DYRK1A: variants seen among roughly 807,000 people sequenced by gnomAD.
DYRK1A encodes dual specificity tyrosine phosphorylation regulated kinase 1A.
DYRK1A carries 9 observed loss-of-function variants against 79.7 expected under a neutral mutation model. That is an observed-to-expected ratio of 0.11 (90% confidence interval 0.07 to 0.20). The LOEUF (loss-of-function observed/expected upper bound fraction) is 0.20. DYRK1A is among the 10% of genes least tolerant of loss of function. The pLI, the probability that DYRK1A is intolerant of heterozygous loss-of-function variation, is 1.00. For missense variants in DYRK1A, 622 were observed against 956.0 expected, an observed-to-expected ratio of 0.65 and a Z score of 4.61; for synonymous variants, 349 against 329.7, an observed-to-expected ratio of 1.06 and a Z score of -0.63.
At chr21:37,488,534 A>T in intron 6 of DYRK1A, 2 of 974,460 alleles carry the variant, frequency 2.1e-6, no homozygotes, top group African/African-American at 1.8e-5. Context: ...GTTAAAAGAA[A>T]ATTTAGTTGA....
chr21:37,464,738 A>G (rs916116353), intron 2 of DYRK1A, among the ~76,000 whole-genome samples: 1 of 152,226 alleles, frequency 6.6e-6, no homozygotes, highest in Admixed American at 6.5e-5. Flanking sequence ...AGCCAAGGGT[A>G]GTCAGAAATC....
chr21:37,412,880 T>C lies in DYRK1A; in HGVS notation c.-76-7419T>C, dbSNP rs139832556. On this transcript the variant is annotated intron_variant, in intron 1 of 11. Transcript: ENST00000647188. Reference sequence around the variant, plus strand: ...ACCCAACAGCTTGTTAGACTAGATATTGAGTGAAAAGTTTGAGTGGAGAAG... The same window carrying C: ...ACCCAACAGCTTGTTAGACTAGATACTGAGTGAAAAGTTTGAGTGGAGAAG... Among the ~76,000 whole-genome samples the C allele has an allele frequency of 1.2e-3, 178 of 152,196 alleles. No homozygotes were observed. The Middle Eastern group carries it at 0.017, about 15-fold the overall frequency.
intron 2 of DYRK1A, among the ~76,000 whole-genome samples, chr21:37,455,424 A>G (rs2051604101): frequency 6.6e-6 from 1 of 152,214 alleles, no homozygotes; most frequent in African/African-American, 2.4e-5. Flanking sequence ...TTTAAATTTT[A>G]AATAATGGTA....
chr21:37,509,988 TAG>T (rs1731686253), intron 11 of DYRK1A, among the ~76,000 whole-genome samples: 1 of 152,190 alleles, frequency 6.6e-6, no homozygotes, highest in South Asian at 2.1e-4. Flanking sequence ...GTCCACACAG[TAG>T]ATAAGTTACT....
At chr21:37,460,301 C>G (rs765241759) in intron 2 of DYRK1A, among the ~76,000 whole-genome samples, 29 of 152,076 alleles carry the variant, frequency 1.9e-4, no homozygotes, top group African/African-American at 7.0e-4. Context: ...TGTCTGTGCT[C>G]TTTTTGTATT....
chr21:37,457,016 AC>A (rs1367985001), intron 2 of DYRK1A, among the ~76,000 whole-genome samples: 18 of 114,856 alleles, frequency 1.6e-4, no homozygotes, highest in African/African-American at 6.4e-4. Flanking sequence ...AAGAAAATTT[AC>A]TTACTTACTT....
At position 37,420,294 on chromosome 21, in the gene DYRK1A, C is replaced by A; in HGVS notation, c.-76-5C>A. The A allele has an allele frequency of 8.1e-7, 1 of 1,236,210 alleles. No homozygotes were observed. Among genetic ancestry groups the A allele is most frequent in the Non-Finnish European group, 1.2e-6 (1 of 862,474 alleles). The allele number at this position is 1,236,210 out of a possible 1,614,324, so 76.6% of individuals were successfully genotyped here. On this transcript the variant is annotated splice_region_variant and splice_polypyrimidine_tract_variant and intron_variant, in intron 1 of 11. Transcript: ENST00000647188. Reference sequence around the variant, plus strand: ...TCTTATCATAATCTGTTTTTCTTCACACAGTGTTATAGTTTTGCCGCTGGA... The same window carrying A: ...TCTTATCATAATCTGTTTTTCTTCAAACAGTGTTATAGTTTTGCCGCTGGA...
rs141522648 is a variant in DYRK1A, at chr21:37,374,248, A to G, written c.-77+6620A>G. 1.4e-4 allele frequency among the ~76,000 whole-genome samples: 22 copies of G among 151,770 alleles called. No individual in the cohort carries two copies. The East Asian group carries it at 2.3e-3, about 16-fold the overall frequency. ...CATACCCTCAGCAAACAATGCTACA[A>G]TAACACTCGCATGTTGTCAGGATGT... On this transcript the variant is annotated intron_variant, in intron 1 of 11. Transcript: ENST00000647188.
At chr21:37,403,938 C>T (rs1022282728) in intron 1 of DYRK1A, among the ~76,000 whole-genome samples, 2 of 152,046 alleles carry the variant, frequency 1.3e-5, no homozygotes, top group African/African-American at 4.8e-5. Flanking sequence ...TGATTCCTTA[C>T]CCTGTCTAAT....
chr21:37,518,998 A>C lies in DYRK1A; in HGVS notation c.*6467A>C, dbSNP rs942796348. On this transcript the variant is annotated 3_prime_UTR_variant, in exon 12 of 12. Transcript: ENST00000647188. ...AAATTTTCAATTTATGGTGCATTAC[A>C]AAATGTTATAAACAAGCCTCCGGGA... The C allele has an allele frequency of 2.0e-5, 3 of 152,244 alleles. No individual in the cohort carries two copies. Among genetic ancestry groups the C allele is most frequent in the African/African-American group, 4.8e-5 (2 of 41,460 alleles). 9.4% of individuals were successfully genotyped at this position (152,244 alleles called of 1,614,324 possible).
chr21:37,394,695 G>A (rs2049929790), intron 1 of DYRK1A, among the ~76,000 whole-genome samples: 1 of 152,158 alleles, frequency 6.6e-6, no homozygotes, highest in African/African-American at 2.4e-5. Flanking sequence ...TCTAACTGAT[G>A]ATCTGAAGTA....
intron 1 of DYRK1A, among the ~76,000 whole-genome samples, chr21:37,412,495 T>G (rs929660361): frequency 2.6e-5 from 4 of 152,102 alleles, no homozygotes; most frequent in Non-Finnish European, 4.4e-5. Context: ...GAATCAGGAT[T>G]TTTGGGAGTA....
Position 37,478,170 on chromosome 21 carries a change from G to A in DYRK1A, c.208-38G>A, listed in dbSNP as rs115030073. 58 of 1,611,308 alleles carry A rather than the reference G, an allele frequency of 3.6e-5. No individual in the cohort carries two copies. In the African/African-American group the frequency reaches 7.6e-4, roughly 21 times the overall value. ...TATAGTTAAAGTGCTAGTCTTTTCT[G>A]TCTATTTAAGGTGATGCCTGATATT... On this transcript the variant is annotated intron_variant, in intron 3 of 11. Coordinates refer to ENST00000647188, the MANE Select transcript of DYRK1A (RefSeq NM_001347721.2).
At chr21:37,474,106 T>C (rs2052318183) in intron 3 of DYRK1A, among the ~76,000 whole-genome samples, 1 of 152,192 alleles carries the variant, frequency 6.6e-6, no homozygotes, top group South Asian at 2.1e-4. Flanking sequence ...TTGTGACTTT[T>C]CCGTGTGTGA....
Position 37,381,107 on chromosome 21 carries a change from G to A in DYRK1A, c.-77+13479G>A, listed in dbSNP as rs569642690. Among the ~76,000 whole-genome samples the A allele has an allele frequency of 4.6e-5, 7 of 152,272 alleles. No homozygotes were observed. The South Asian group carries it at 1.5e-3, about 32-fold the overall frequency. On this transcript the variant is annotated intron_variant, in intron 1 of 11. Coordinates refer to ENST00000647188, the MANE Select transcript of DYRK1A (RefSeq NM_001347721.2). ...GCTCTCTCTTGCAATCTCAGTGGTT[G>A]GCAGGGTGCTTGGCACATAGTAAAC...
At chr21:37,387,994 T>G (rs182314481) in intron 1 of DYRK1A, among the ~76,000 whole-genome samples, 2 of 152,260 alleles carry the variant, frequency 1.3e-5, no homozygotes, top group African/African-American at 4.8e-5. Flanking sequence ...ATTCAACATG[T>G]GTTAACTCAT....
At position 37,513,051 on chromosome 21, in the gene DYRK1A, G is replaced by A. The variant is rs2053806196; in HGVS notation, c.*520G>A. 1 of 157,666 alleles carries A rather than the reference G, an allele frequency of 6.3e-6. No individual in the cohort carries two copies. The highest frequency in any genetic ancestry group is 1.4e-5 in the Non-Finnish European group (1 of 71,122). 9.8% of individuals were successfully genotyped at this position (157,666 alleles called of 1,614,324 possible). A position where few individuals can be genotyped will look rare whatever the true frequency, so the allele number is the denominator to read the frequency against. The stretch of plus-strand genomic sequence containing the variant: ...AAACACACTTGGGCACGGAAATGCA[G>A]TACTGTAAGGAAGAGGGACCTCCAG... On this transcript the variant is annotated 3_prime_UTR_variant, in exon 12 of 12. Coordinates refer to ENST00000647188, the MANE Select transcript of DYRK1A (RefSeq NM_001347721.2).
chr21:37,426,579 T>G (rs1052547637), intron 2 of DYRK1A, among the ~76,000 whole-genome samples: 1 of 149,946 alleles, frequency 6.7e-6, no homozygotes, highest in Admixed American at 6.6e-5. Context: ...CTAAACAGAG[T>G]GAAAAACACA....
upstream of DYRK1A, among the ~76,000 whole-genome samples, chr21:37,366,623 CT>C (rs2049310600): frequency 1.3e-5 from 2 of 151,594 alleles, no homozygotes; most frequent in African/African-American, 4.8e-5. Flanking sequence ...GGGTGGTTGG[CT>C]GGGGACAGAG....
Sources: allele counts gnomAD v4.1 joint callset (sites outside exome capture counted in the v4.1 genomes callset), GRCh38; gene constraint gnomAD v4.1.1; transcripts MANE v1.5; gene names NCBI Gene and HGNC (gene_info 2026-07-23, HGNC 2026-07-21).